Variants in POF1B observed in about 807,000 individuals in gnomAD.
The protein encoded by POF1B is POF1B actin binding protein, also known as protein POF1B.
Under a neutral mutation model 55.3 loss-of-function variants are expected in POF1B, and 53 were observed. That is an observed-to-expected ratio of 0.96 (90% CI 0.77 to 1.20). The LOEUF is 1.20. POF1B is among the 50% of genes most tolerant of loss of function. The pLI is 0.00. For missense variants in POF1B, 478 were observed against 420.5 expected (o/e 1.14, Z -1.20); for synonymous variants, 188 against 148.3 (o/e 1.27, Z -1.95).
chrX:85,339,991 A>G (rs1244575613), intron 6 of POF1B, among the ~76,000 whole-genome samples: 1 of 110,944 alleles, frequency 9.0e-6, no homozygotes, highest in Non-Finnish European at 1.9e-5. Flanking sequence ...AATTCTTCCA[A>G]TTGATTCTGG....
chrX:85,279,233 A>G lies in POF1B; in HGVS notation c.*188T>C, dbSNP rs1931843461. 4.8e-6 allele frequency: 2 copies of G among 413,334 alleles called. No individual in the cohort carries two copies. Among genetic ancestry groups the G allele is most frequent in the Non-Finnish European group, 8.6e-6 (2 of 232,731 alleles). 34.1% of individuals were successfully genotyped at this position (413,334 alleles called of 1,213,427 possible). ...TACATGAGTGTTATGGAAAAGATTT[A>G]GGTCTCATAAATGGGTGAAGAAATT... On this transcript the variant is annotated 3_prime_UTR_variant, in exon 17 of 17. Coordinates refer to ENST00000262753, the MANE Select transcript of POF1B (RefSeq NM_024921.4).
rs760670242 is a variant in POF1B at position 85,321,082 on chromosome X, A to T, written c.855-5348T>A. Among the ~76,000 whole-genome samples, 16 of 112,062 alleles carry T rather than the reference A, an allele frequency of 1.4e-4. No individual in the cohort carries two copies. In the East Asian group the frequency reaches 3.7e-3, roughly 26 times the overall value. On this transcript the variant is annotated intron_variant, in intron 7 of 16. Transcript: ENST00000262753. ...ATAGAAAAAGAGGGAATCTTCCCTA[A>T]TTCATTTTATGAGGCCAACATCATC...
intron 2 of POF1B, among the ~76,000 whole-genome samples, chrX:85,368,578 T>C (rs149421446): frequency 0.016 from 1,751 of 111,628 alleles, 34 homozygotes; most frequent in African/African-American, 0.054. Context: ...CCTTTGAAAA[T>C]GCAACTAAGA....
intron 3 of POF1B, among the ~76,000 whole-genome samples, chrX:85,360,814 C>T (rs1933603321): frequency 9.2e-6 from 1 of 109,229 alleles, no homozygotes. Context: ...AATGGTTGAG[C>T]TAATTTACAC....
At chrX:85,302,989 A>G (rs1041728729) in intron 15 of POF1B, among the ~76,000 whole-genome samples, 1 of 111,564 alleles carries the variant, frequency 9.0e-6, no homozygotes, top group Non-Finnish European at 1.9e-5. Flanking sequence ...TCTACACAGG[A>G]AAGAGCAGAG....
At chrX:85,335,110 A>G (rs992583346) in intron 6 of POF1B, among the ~76,000 whole-genome samples, 1 of 111,381 alleles carries the variant, frequency 9.0e-6, no homozygotes, top group Non-Finnish European at 1.9e-5. Flanking sequence ...AAATGTGTGC[A>G]TGTTTCACCT....
intron 6 of POF1B, among the ~76,000 whole-genome samples, chrX:85,344,702 T>C (rs1421169092): frequency 3.6e-5 from 4 of 111,741 alleles, no homozygotes; most frequent in African/African-American, 1.3e-4. Flanking sequence ...TGGATTGTAT[T>C]CTATGAGTTA....
At chrX:85,294,107 G>C (rs771910959) in intron 15 of POF1B, among the ~76,000 whole-genome samples, 1 of 112,084 alleles carries the variant, frequency 8.9e-6, no homozygotes, top group Non-Finnish European at 1.9e-5. Context: ...CATTTACTAG[G>C]TCTAGGAAGC....
At chrX:85,362,873 CCTGGG>C (rs747966776) in intron 3 of POF1B, among the ~76,000 whole-genome samples, 1 of 110,953 alleles carries the variant, frequency 9.0e-6, no homozygotes, top group Admixed American at 9.6e-5. Context: ...TCCATCTGGT[CCTGGG>C]CTTTTTTTGG....
At position 85,310,014 on chromosome X, in the gene POF1B, C is replaced by A. The variant is rs186091051; in HGVS notation, c.958-1798G>T. Among the ~76,000 whole-genome samples the A allele has an allele frequency of 4.2e-3, 465 of 111,917 alleles. 1 individual carries two copies. The highest frequency in any genetic ancestry group is 6.8e-3 in the Non-Finnish European group (361 of 53,162). On this transcript the variant is annotated intron_variant, in intron 9 of 16. Coordinates refer to ENST00000262753, the MANE Select transcript of POF1B (RefSeq NM_024921.4). ...CTGGCAGTAATAGGTAGTGCACACA[C>A]TTTCTCTGATATTTGAATATTTGAA...
intron 15 of POF1B, 41 bp downstream of exon 15, chrX:85,303,365 T>A: frequency 1.1e-6 from 1 of 906,671 alleles, no homozygotes; most frequent in Non-Finnish European, 1.6e-6. Context: ...GATTATATGA[T>A]CATAATTTTT....
At position 85,282,237 on chromosome X, in the gene POF1B, A is replaced by G. The variant is rs911415797; in HGVS notation, c.1730T>C (p.Ile577Thr). 1.7e-6 allele frequency: 2 copies of G among 1,189,599 alleles called. No homozygotes were observed. The highest frequency in any genetic ancestry group is 2.3e-6 in the Non-Finnish European group (2 of 881,862). Residue 577 changes from isoleucine (I) to threonine (T), a missense_variant, in exon 16 of 17, where the codon ATT (isoleucine) becomes ACT (threonine). By Grantham distance (89) the Ile-to-Thr change is moderately conservative. Transcript: ENST00000262753. Reference protein sequence around the residue: ...YIPPGSETQTIVIEKTEDKYT... With the variant: ...YIPPGSETQTTVIEKTEDKYT... ...TTTGTCTTCTGTTTTCTCAATCACA[A>G]TAGTCTGTGTTTCACTACCTGGTGG...
chrX:85,372,080 C>G lies in POF1B; in HGVS notation c.283-4314G>C, dbSNP rs1322891307. On this transcript the variant is annotated intron_variant, in intron 2 of 16. Coordinates refer to ENST00000262753, the MANE Select transcript of POF1B (RefSeq NM_024921.4). ...GAATTTGGGGCCGGGCGTGGTGGCT[C>G]ACGCCTGTAATCCCAGCACTTTGGG... is the stretch of plus-strand genomic sequence containing the variant. Among the ~76,000 whole-genome samples, 4 of 111,450 alleles carry G rather than the reference C, an allele frequency of 3.6e-5. 1 individual carries two copies. The Admixed American group carries it at 3.8e-4, about 11-fold the overall frequency.
chrX:85,287,421 GT>G (rs1489739925), intron 15 of POF1B, among the ~76,000 whole-genome samples: 3 of 110,818 alleles, frequency 2.7e-5, no homozygotes, highest in African/African-American at 9.8e-5. Flanking sequence ...ATCCCTATAG[GT>G]CCTATAGTCT....
chrX:85,309,837 A>C (rs1042978309), intron 9 of POF1B, among the ~76,000 whole-genome samples: 2 of 111,634 alleles, frequency 1.8e-5, no homozygotes, highest in Admixed American at 9.5e-5. Flanking sequence ...GGTGTCAGAA[A>C]AGACAGAGTG....
In POF1B at chrX:85,379,298, T is replaced by C. The variant is rs149697392; in HGVS notation, c.157A>G (p.Arg53Gly). The C allele has an allele frequency of 5.0e-6, 6 of 1,208,067 alleles. No individual in the cohort carries two copies. The African/African-American group carries it at 8.8e-5, about 18-fold the overall frequency. The change falls in exon 2 of 17, where the codon AGG (arginine) becomes GGG (glycine). Residue 53 changes from arginine to glycine, a missense_variant. Coordinates refer to ENST00000262753, the MANE Select transcript of POF1B (RefSeq NM_024921.4). ...PEKNVVYERV[R>G]TYSGPMNKVV... The stretch of plus-strand genomic sequence containing the variant: ...TTGTTCATGGGCCCACTGTAGGTCC[T>C]CACTCGCTCATACACTACATTTTTT...
intron 2 of POF1B, among the ~76,000 whole-genome samples, chrX:85,371,226 C>A (rs1221958500): frequency 8.9e-6 from 1 of 111,741 alleles, no homozygotes; most frequent in Non-Finnish European, 1.9e-5. Flanking sequence ...ATTAGAGGAT[C>A]TTTAAGTTTG....
In POF1B at chrX:85,351,368, C is replaced by T. The variant is rs199881834; in HGVS notation, c.522G>A (p.Glu174=). The change falls in exon 5 of 17, where the codon GAG becomes GAA. Residue 174 remains glutamate (E), a synonymous_variant. Transcript: ENST00000262753. ...VIYEKTIRKV[E]KLNTDQGCHP... ...TACTTACCTGATCAGTATTTAGCTT[C>T]TCCACTTTTCTTATTGTTTTTTCAT... 153 of 1,185,713 alleles carry T rather than the reference C, an allele frequency of 1.3e-4. 1 individual carries two copies. In the Admixed American group the frequency reaches 3.4e-3, roughly 26 times the overall value.
chrX:85,284,278 C>CT (rs2147889263), intron 15 of POF1B, among the ~76,000 whole-genome samples: 1 of 111,571 alleles, frequency 9.0e-6, no homozygotes, highest in South Asian at 3.7e-4. Flanking sequence ...CTACCAATGA[C>CT]TTTTTTCACA....
Sources: gnomAD v4.1 joint callset for allele counts (sites outside exome capture counted in the v4.1 genomes callset) on GRCh38, gnomAD v4.1.1 for gene constraint, MANE v1.5 for transcripts, NCBI Gene and HGNC (gene_info 2026-07-23, HGNC 2026-07-21) for gene names.